PID1: variants seen among roughly 807,000 people sequenced by gnomAD.
The protein encoded by PID1 is PTB-containing, cubilin and LRP1-interacting protein.
Under a neutral mutation model 19.1 loss-of-function variants are expected in PID1, and 10 were observed. The observed-to-expected ratio is 0.52, with a 90% CI of 0.32 to 0.89. PID1 has a LOEUF of 0.89. Ranked by LOEUF, PID1 falls within the 40% of genes least tolerant of loss-of-function variation. The pLI, the probability that PID1 is intolerant of heterozygous loss-of-function variation, is 0.03. For missense variants in PID1, 248 were observed against 285.3 expected, an observed-to-expected ratio of 0.87 and a Z score of 0.94; for synonymous variants, 130 against 116.0, an observed-to-expected ratio of 1.12 and a Z score of -0.78.
At chr2:229,140,244 A>C (rs1689984232) in intron 2 of PID1, among the ~76,000 whole-genome samples, 1 of 152,188 alleles carries the variant, frequency 6.6e-6, no homozygotes, top group South Asian at 2.1e-4. Context: ...CGACACTGGA[A>C]TCCTCCACCA....
chr2:229,118,394 C>A (rs1176260299), intron 2 of PID1, among the ~76,000 whole-genome samples: 1 of 152,124 alleles, frequency 6.6e-6, no homozygotes, highest in East Asian at 1.9e-4. Context: ...TATTCACGTG[C>A]CTATATGACA....
chr2:229,223,305 C>A (rs1692012250), intron 1 of PID1, among the ~76,000 whole-genome samples: 1 of 152,126 alleles, frequency 6.6e-6, no homozygotes, highest in Non-Finnish European at 1.5e-5. Context: ...ATCTGCATTT[C>A]TTTTATTATT....
chr2:229,134,533 C>T (rs190352392), intron 2 of PID1, among the ~76,000 whole-genome samples: 233 of 152,118 alleles, frequency 1.5e-3, no homozygotes, highest in African/African-American at 5.4e-3. Flanking sequence ...TGAGCCACCA[C>T]ACCTGGCCAC....
intron 1 of PID1, 63 bp from the exon 2 acceptor site, chr2:229,156,027 G>C: frequency 6.7e-7 from 1 of 1,495,164 alleles, no homozygotes; most frequent in East Asian, 2.3e-5. Flanking sequence ...TCCTGCAATT[G>C]TACATTAAAC....
In PID1 at chr2:229,246,084, T is replaced by C. The variant is rs1278550333; in HGVS notation, c.30+24930A>G. ...AAATAAAAACAGAATTTGCATATAATAGCAATCGCTGATTCCTGTCTAGGC... is the reference window on the plus strand; with the variant it reads ...AAATAAAAACAGAATTTGCATATAACAGCAATCGCTGATTCCTGTCTAGGC... On this transcript the variant is annotated intron_variant, in intron 1 of 2. Transcript: ENST00000392055. Among the ~76,000 whole-genome samples, 6 of 152,190 alleles carry C rather than the reference T, an allele frequency of 3.9e-5. No individual in the cohort carries two copies. The East Asian group carries it at 1.2e-3, about 29-fold the overall frequency.
chr2:229,140,958 C>G (rs1007450086), intron 2 of PID1, among the ~76,000 whole-genome samples: 1 of 150,404 alleles, frequency 6.6e-6, no homozygotes, highest in African/African-American at 2.5e-5. Flanking sequence ...ATTTTACTGA[C>G]CATGAACAAA....
intron 2 of PID1, among the ~76,000 whole-genome samples, chr2:229,056,806 G>T (rs910107093): frequency 3.3e-5 from 5 of 151,942 alleles, no homozygotes; most frequent in Non-Finnish European, 5.9e-5. Flanking sequence ...TGTCCCTGGT[G>T]GTTCATCCTC....
chr2:229,165,777 T>C (rs1391175628), intron 1 of PID1, among the ~76,000 whole-genome samples: 1 of 152,020 alleles, frequency 6.6e-6, no homozygotes, highest in African/African-American at 2.4e-5. Flanking sequence ...TAAAAAGAAA[T>C]AATAAGACTC....
At chr2:229,244,175 T>C (rs984765292) in intron 1 of PID1, among the ~76,000 whole-genome samples, 5 of 152,190 alleles carry the variant, frequency 3.3e-5, no homozygotes, top group East Asian at 3.8e-4. Flanking sequence ...ACTATTTCAA[T>C]GAGACATGGG....
chr2:229,265,319 G>T (rs1312904096), intron 1 of PID1, among the ~76,000 whole-genome samples: 1 of 152,238 alleles, frequency 6.6e-6, no homozygotes, highest in African/African-American at 2.4e-5. Context: ...CGTGGCATCA[G>T]CATTAAGTGG....
rs76465256 is a variant in PID1 at position 229,254,972 on chromosome 2, G to T, written c.30+16042C>A. Among the ~76,000 whole-genome samples the T allele has an allele frequency of 2.1e-4, 32 of 152,276 alleles. No homozygotes were observed. In the East Asian group the frequency reaches 5.4e-3, roughly 26 times the overall value. ...ATTTCTGGGTTTAAAAGGTGCTACA[G>T]GAAAAACAGATTCGAGGAGAGAGAG... On this transcript the variant is annotated intron_variant, in intron 1 of 2. Coordinates refer to ENST00000392055, the MANE Select transcript of PID1 (RefSeq NM_001100818.2).
chr2:229,246,046 C>T (rs925984487), intron 1 of PID1, among the ~76,000 whole-genome samples: 1 of 152,106 alleles, frequency 6.6e-6, no homozygotes, highest in African/African-American at 2.4e-5. Flanking sequence ...GTTATTTCTT[C>T]TCTTTTCTGT....
intron 2 of PID1, among the ~76,000 whole-genome samples, chr2:229,097,007 C>T (rs1424333369): frequency 6.6e-6 from 1 of 152,154 alleles, no homozygotes; most frequent in Non-Finnish European, 1.5e-5. Context: ...GTTAATGTCA[C>T]CCTGAGTTTG....
intron 2 of PID1, among the ~76,000 whole-genome samples, chr2:229,093,759 A>G (rs1315966205): frequency 3.0e-5 from 2 of 67,782 alleles, no homozygotes; most frequent in Admixed American, 4.4e-4. Flanking sequence ...TGGCTTTATG[A>G]TAAAAAAAAG....
At chr2:229,161,582 A>C (rs1293828760) in intron 1 of PID1, among the ~76,000 whole-genome samples, 1 of 152,272 alleles carries the variant, frequency 6.6e-6, no homozygotes, top group Admixed American at 6.5e-5. Context: ...TGGTAACGTT[A>C]TCTCTTTTTT....
intron 2 of PID1, among the ~76,000 whole-genome samples, chr2:229,060,063 A>C (rs1425463262): frequency 1.3e-5 from 2 of 152,140 alleles, no homozygotes; most frequent in Non-Finnish European, 2.9e-5. Context: ...ATATATTTAC[A>C]TTCTGCAATG....
chr2:229,069,036 T>A lies in PID1; in HGVS notation c.178-42928A>T, dbSNP rs189597776. 1.7e-3 allele frequency among the ~76,000 whole-genome samples: 256 copies of A among 152,288 alleles called. 3 individuals carry two copies. Among genetic ancestry groups the A allele is most frequent in the African/African-American group, 6.0e-3 (249 of 41,564 alleles). ...TCTTTGAGGAAGAATATCTTTCTTTTCCTAACCATCTCTACCTCCAGTTTG... is the reference window on the plus strand; with the variant it reads ...TCTTTGAGGAAGAATATCTTTCTTTACCTAACCATCTCTACCTCCAGTTTG... On this transcript the variant is annotated intron_variant, in intron 2 of 2. Transcript: ENST00000392055.
intron 2 of PID1, among the ~76,000 whole-genome samples, chr2:229,029,908 C>T (rs1470466484): frequency 6.6e-6 from 1 of 150,932 alleles, no homozygotes; most frequent in Non-Finnish European, 1.5e-5. Context: ...TGGGTATATA[C>T]CCCAAATAAT....
intron 2 of PID1, among the ~76,000 whole-genome samples, chr2:229,063,790 T>C (rs992135343): frequency 2.6e-5 from 4 of 152,148 alleles, no homozygotes; most frequent in African/African-American, 7.2e-5. Context: ...AATAACTTTA[T>C]ATACTTATAT....
Sources: allele counts gnomAD v4.1 joint callset (sites outside exome capture counted in the v4.1 genomes callset), GRCh38; gene constraint gnomAD v4.1.1; transcripts MANE v1.5; gene names NCBI Gene and HGNC (gene_info 2026-07-23, HGNC 2026-07-21).